MKLN1: variants seen among roughly 807,000 people sequenced by gnomAD.
MKLN1 encodes muskelin.
A neutral mutation model predicts 99.0 loss-of-function variants in MKLN1; 18 were observed. The observed-to-expected ratio is 0.18, with a 90% CI of 0.13 to 0.27. The LOEUF (loss-of-function observed/expected upper bound fraction) is 0.27, where lower values mean the gene tolerates loss of function less well. MKLN1 is among the 10% of genes least tolerant of loss of function. The pLI is 1.00. For synonymous variants in MKLN1, 288 were observed against 293.2 expected, an observed-to-expected ratio of 0.98 and a Z score of 0.18; for missense variants, 621 against 875.9, an observed-to-expected ratio of 0.71 and a Z score of 3.67.
chr7:131,475,085 C>G (rs1343746902), intron 16 of MKLN1, among the ~76,000 whole-genome samples: 3 of 152,104 alleles, frequency 2.0e-5, no homozygotes, highest in Non-Finnish European at 2.9e-5. Flanking sequence ...TCCCCCAATT[C>G]AACATGAGAT....
chr7:131,434,315 G>A (rs1228177853), intron 9 of MKLN1, among the ~76,000 whole-genome samples: 3 of 152,026 alleles, frequency 2.0e-5, no homozygotes, highest in Admixed American at 6.6e-5. Flanking sequence ...TGATATTTTC[G>A]TTAACTTGAT....
intron 3 of MKLN1, among the ~76,000 whole-genome samples, chr7:131,222,739 G>A (rs75374146): frequency 0.073 from 11,117 of 151,926 alleles, 448 homozygotes; most frequent in African/African-American, 0.092. Context: ...ATTTCAGGCC[G>A]GGTACAGTGG....
At chr7:131,293,221 A>G (rs1253101104) in intron 3 of MKLN1, among the ~76,000 whole-genome samples, 1 of 152,178 alleles carries the variant, frequency 6.6e-6, no homozygotes, top group Non-Finnish European at 1.5e-5. Flanking sequence ...ATCCCAGCTG[A>G]GATCATCCCA....
chr7:131,339,443 G>T (rs768139923), intron 1 of MKLN1, among the ~76,000 whole-genome samples: 18 of 152,308 alleles, frequency 1.2e-4, no homozygotes, highest in Non-Finnish European at 2.5e-4. Context: ...ACTGGCTCGT[G>T]CCTGTAATCC....
chr7:131,373,895 C>G (rs1169647967), intron 1 of MKLN1, among the ~76,000 whole-genome samples: 1 of 152,144 alleles, frequency 6.6e-6, no homozygotes, highest in East Asian at 1.9e-4. Context: ...TTATTACTCT[C>G]CTCTGGTCTG....
chr7:131,392,896 C>G (rs13224041), intron 4 of MKLN1, among the ~76,000 whole-genome samples: 2 of 151,656 alleles, frequency 1.3e-5, no homozygotes, highest in Non-Finnish European at 2.9e-5. Flanking sequence ...TGAGCCACTG[C>G]GCCTGGCCTA....
intron 3 of MKLN1, among the ~76,000 whole-genome samples, chr7:131,258,051 G>T (rs571786789): frequency 2.6e-5 from 4 of 151,460 alleles, no homozygotes; most frequent in Non-Finnish European, 4.4e-5. Flanking sequence ...AGCCTAGGAG[G>T]TCAAGGCTGC....
chr7:131,481,596 G>A (rs1227679428), intron 17 of MKLN1, among the ~76,000 whole-genome samples: 1 of 152,054 alleles, frequency 6.6e-6, no homozygotes, highest in African/African-American at 2.4e-5. Context: ...AGCAAATTCA[G>A]ATTGTATGCT....
chr7:131,467,804 G>A (rs889221397), intron 15 of MKLN1, among the ~76,000 whole-genome samples: 4 of 152,220 alleles, frequency 2.6e-5, no homozygotes, highest in African/African-American at 9.7e-5. Flanking sequence ...TCTTCCCGAA[G>A]AACTGGGTAA....
At chr7:131,126,337 A>C (rs1310933072) in intron 1 of MKLN1, among the ~76,000 whole-genome samples, 1 of 152,214 alleles carries the variant, frequency 6.6e-6, no homozygotes, top group Non-Finnish European at 1.5e-5. Context: ...AGAATAATAA[A>C]GAAGGAAGGA....
chr7:131,274,933 C>T (rs1197469472), intron 3 of MKLN1, among the ~76,000 whole-genome samples: 2 of 152,118 alleles, frequency 1.3e-5, no homozygotes, highest in Non-Finnish European at 2.9e-5. Flanking sequence ...AATTATTTCC[C>T]TTCTTGGCCT....
intron 9 of MKLN1, among the ~76,000 whole-genome samples, chr7:131,430,294 G>A (rs892664515): frequency 2.6e-5 from 4 of 151,214 alleles, no homozygotes; most frequent in Non-Finnish European, 4.4e-5. Context: ...AACTGTCCAG[G>A]GATTAATCAC....
chr7:131,114,915 A>G (rs1252289512), intron 1 of MKLN1, among the ~76,000 whole-genome samples: 3 of 151,992 alleles, frequency 2.0e-5, no homozygotes, highest in Non-Finnish European at 4.4e-5. Context: ...CAGCCTGGGC[A>G]ACAGAGCAAG....
At chr7:131,134,220 G>A (rs1795613525) in intron 1 of MKLN1, among the ~76,000 whole-genome samples, 1 of 152,098 alleles carries the variant, frequency 6.6e-6, no homozygotes, top group South Asian at 2.1e-4. Context: ...AGAGAAAGCT[G>A]TTGATCATTT....
chr7:131,112,901 A>T (rs1795220140), intron 1 of MKLN1, among the ~76,000 whole-genome samples: 1 of 152,212 alleles, frequency 6.6e-6, no homozygotes, highest in Admixed American at 6.5e-5. Flanking sequence ...CACAGTATTG[A>T]GAAGTAGCAT....
intron 2 of MKLN1, among the ~76,000 whole-genome samples, chr7:131,153,718 A>G (rs1166921967): frequency 2.2e-5 from 3 of 138,762 alleles, no homozygotes; most frequent in Non-Finnish European, 4.6e-5. Context: ...GCTAGAGTGC[A>G]GTGGCACTAT....
chr7:131,197,203 G>T (rs780009790), intron 2 of MKLN1, among the ~76,000 whole-genome samples: 1 of 151,918 alleles, frequency 6.6e-6, no homozygotes, highest in Non-Finnish European at 1.5e-5. Flanking sequence ...TTGATTGTTT[G>T]ATTGATTGAT....
At chr7:131,333,855 G>T (rs1463831266) in intron 1 of MKLN1, among the ~76,000 whole-genome samples, 2 of 152,152 alleles carry the variant, frequency 1.3e-5, no homozygotes, top group African/African-American at 4.8e-5. Flanking sequence ...GAACTCATTG[G>T]TGATAAATTC....
intron 1 of MKLN1, among the ~76,000 whole-genome samples, chr7:131,368,188 G>A (rs1269927425): frequency 6.6e-6 from 1 of 152,082 alleles, no homozygotes; most frequent in African/African-American, 2.4e-5. Flanking sequence ...TGGGTGGAGG[G>A]GAGCAACATC....
Sources: allele counts gnomAD v4.1 joint callset (sites outside exome capture counted in the v4.1 genomes callset), GRCh38; gene constraint gnomAD v4.1.1; transcripts MANE v1.5; gene names NCBI Gene and HGNC (gene_info 2026-07-23, HGNC 2026-07-21).